The following LIPE variants were observed in gnomAD, a reference collection of about 807,000 sequenced individuals.
LIPE encodes the protein lipase E, hormone sensitive type, also known as hormone-sensitive lipase.
LIPE carries 66 observed loss-of-function variants against 88.5 expected under a neutral mutation model. The ratio of observed to expected loss-of-function variants is 0.75; its 90% confidence interval spans 0.61 to 0.91. LIPE has a LOEUF of 0.91. Ranked by LOEUF, LIPE falls within the 40% of genes least tolerant of loss-of-function variation. The pLI is 0.00. For missense variants in LIPE, 1,346 were observed against 1,434.7 expected (o/e 0.94, Z 1.00); for synonymous variants, 570 against 617.5 (o/e 0.92, Z 1.14).
intron 1 of LIPE, chr19:42,423,934 A>G: frequency 8.6e-7 from 1 of 1,162,546 alleles, no homozygotes; most frequent in South Asian, 1.7e-5. Flanking sequence ...CTTCCCAGGG[A>G]GGGATGCCCT....
In LIPE at chr19:42,427,165, G is replaced by A. The variant is rs754339785; in HGVS notation, c.-16C>T. 3.8e-6 allele frequency: 6 copies of A among 1,571,182 alleles called. No individual in the cohort carries two copies. Among genetic ancestry groups the A allele is most frequent in the Non-Finnish European group, 2.6e-6 (3 of 1,163,058 alleles). On this transcript the variant is annotated 5_prime_UTR_variant, in exon 1 of 10. Transcript: ENST00000244289. ...CTGGCTCCATTGTTATTTCCCTCAC[G>A]GGAGATATTGATCTTCCAGGTTCTA...
chr19:42,424,796 T>TC, intron 1 of LIPE: 1 of 358,276 alleles, frequency 2.8e-6, no homozygotes, highest in South Asian at 2.1e-5. Context: ...TCCCCCCTTC[T>TC]CCATGGCAGG....
intron 1 of LIPE, among the ~76,000 whole-genome samples, chr19:42,420,944 G>T (rs1381715779): frequency 6.6e-6 from 1 of 151,984 alleles, no homozygotes; most frequent in Non-Finnish European, 1.5e-5. Context: ...TGTTGCCCAG[G>T]CTGGAGTAGA....
At chr19:42,412,217 T>G (rs2040395557) in intron 1 of LIPE, 1 of 962,488 alleles carries the variant, frequency 1.0e-6, no homozygotes, top group South Asian at 4.8e-5. Context: ...CAAGCTGCCC[T>G]TGGTGGAATG....
chr19:42,403,253 G>A (rs1190390652), intron 8 of LIPE, among the ~76,000 whole-genome samples: 3 of 128,306 alleles, frequency 2.3e-5, no homozygotes, highest in Admixed American at 7.8e-5. Flanking sequence ...GTGTGTGTGT[G>A]TGTGTGTGTG....
chr19:42,403,240 GAT>G (rs1491519234), intron 8 of LIPE, among the ~76,000 whole-genome samples: 1 of 114,102 alleles, frequency 8.8e-6, no homozygotes, highest in Non-Finnish European at 1.9e-5. Context: ...TCTAGTGAAG[GAT>G]GTGTGTGTGT....
chr19:42,413,625 C>A (rs2040429668), intron 1 of LIPE, among the ~76,000 whole-genome samples: 1 of 152,224 alleles, frequency 6.6e-6, no homozygotes. Context: ...AAGATCGTGC[C>A]ACTGCACTCC....
chr19:42,424,958 C>T, intron 1 of LIPE: 2 of 291,434 alleles, frequency 6.9e-6, no homozygotes, highest in Non-Finnish European at 1.3e-5. Flanking sequence ...TGATGCTGCT[C>T]CCCCAACTTT....
chr19:42,403,140 G>T (rs1464328334), intron 8 of LIPE, 109 bp from the exon 9 acceptor site: 4 of 1,133,552 alleles, frequency 3.5e-6, no homozygotes, highest in Non-Finnish European at 4.9e-6. Flanking sequence ...GTGAAAGGCT[G>T]TGTTTCCCCA....
chr19:42,417,565 G>C (rs943584913), intron 1 of LIPE, among the ~76,000 whole-genome samples: 9 of 151,996 alleles, frequency 5.9e-5, no homozygotes, highest in African/African-American at 1.9e-4. Context: ...AATTTTTTGT[G>C]TTTTTTAAGA....
intron 8 of LIPE, among the ~76,000 whole-genome samples, chr19:42,403,514 C>T (rs1234990000): frequency 6.7e-6 from 1 of 150,274 alleles, no homozygotes; most frequent in African/African-American, 2.5e-5. Context: ...GTGGCAAGAA[C>T]ATGGCTCACT....
Position 42,410,677 on chromosome 19 carries a change from G to A in LIPE, c.1049C>T (p.Pro350Leu), listed in dbSNP as rs201395817. 2.1e-4 allele frequency: 346 copies of A among 1,612,168 alleles called. 1 individual carries two copies. The highest frequency in any genetic ancestry group is 4.0e-4 in the Admixed American group (24 of 59,924). Residue 350 changes from proline to leucine, a missense_variant, in exon 2 of 10, where the codon CCG becomes CTG. By Grantham distance (98) the Pro-to-Leu change is moderately conservative (BLOSUM62 -3). Transcript: ENST00000244289. This position sits in a 1 kb window ranked among gnomAD's most constrained non-coding sequence, Gnocchi z 6.1. ...CACACCCAGCAGGCGGCCCAGGGCC[G>A]GCTCCAGCCCCAGCGCCTGCTCCCG... Reference protein sequence around the residue: ...GVREQALGLEPALGRLLGVAH... With the variant: ...GVREQALGLELALGRLLGVAH...
At chr19:42,402,135 G>T in intron 9 of LIPE, 60 bp from the exon 10 acceptor site, 1 of 1,399,804 alleles carries the variant, frequency 7.1e-7, no homozygotes, top group Non-Finnish European at 9.3e-7. Context: ...CCGGGGTCGG[G>T]TAGAGCGAGG....
At chr19:42,421,138 G>A (rs563177768) in intron 1 of LIPE, among the ~76,000 whole-genome samples, 41 of 152,086 alleles carry the variant, frequency 2.7e-4, no homozygotes, top group African/African-American at 9.9e-4. Context: ...GACTCAAGGG[G>A]TCCTCCCACC....
At position 42,401,826 on chromosome 19, in the gene LIPE, C is replaced by A. The variant is rs758950608; in HGVS notation, c.3217G>T (p.Gly1073Trp). 1.3e-6 allele frequency: 2 copies of A among 1,486,126 alleles called. No homozygotes were observed. Among genetic ancestry groups the A allele is most frequent in the Admixed American group, 2.3e-5 (1 of 43,040 alleles). 92.1% of individuals were successfully genotyped at this position (1,486,126 alleles called of 1,614,324 possible). Residue 1073 changes from glycine (G) to tryptophan (W), a missense_variant, in exon 10 of 10, where the codon GGG (glycine) becomes TGG (tryptophan). Transcript: ENST00000244289. ...ACAACAGGCTTTTAGTGTCGCCCCC[C>A]GCAGCCCCCGTCTACCCCCGCAGCC... ...TGAAGVDGGC[G>W]GRH is the part of the protein sequence containing the mutation.
chr19:42,412,187 CCT>C (rs1233334851), intron 1 of LIPE: 1 of 776,264 alleles, frequency 1.3e-6, no homozygotes, highest in African/African-American at 1.9e-5. Context: ...TCTTGGATGC[CCT>C]GTCACCCAGG....
chr19:42,420,502 T>G (rs2040577292), intron 1 of LIPE, among the ~76,000 whole-genome samples: 1 of 152,114 alleles, frequency 6.6e-6, no homozygotes, highest in South Asian at 2.1e-4. Flanking sequence ...GTGCGTGTCT[T>G]GGTCTCTGTG....
chr19:42,407,070 G>A lies in LIPE; in HGVS notation c.2137+104C>T. The A allele has an allele frequency of 9.9e-7, 1 of 1,010,494 alleles. No homozygotes were observed. The highest frequency in any genetic ancestry group is 1.4e-6 in the Non-Finnish European group (1 of 712,046). The allele number at this position is 1,010,494 out of a possible 1,614,324, so 62.6% of individuals were successfully genotyped here. ...GGGTGAGCAGGAGCTGGGAGGTGTGGGGGGAGAGAAAGGTAGAGGGTGTGA... is the reference window on the plus strand; with the variant it reads ...GGGTGAGCAGGAGCTGGGAGGTGTGAGGGGAGAGAAAGGTAGAGGGTGTGA... On this transcript the variant is annotated intron_variant, in intron 6 of 9. Transcript: ENST00000244289. This position sits in a 1 kb window ranked among gnomAD's most constrained non-coding sequence, Gnocchi z 5.8.
At chr19:42,412,701 C>CT in intron 1 of LIPE, 6 of 315,712 alleles carry the variant, frequency 1.9e-5, no homozygotes, top group Non-Finnish European at 2.8e-5. Flanking sequence ...TCCTTTAGGA[C>CT]CCAGGAGTCC....
Sources: allele counts gnomAD v4.1 joint callset (sites outside exome capture counted in the v4.1 genomes callset), GRCh38; gene constraint gnomAD v4.1.1; non-coding constraint Gnocchi (gnomAD v3.1); transcripts MANE v1.5; gene names NCBI Gene and HGNC (gene_info 2026-07-23, HGNC 2026-07-21).